MECOM: variants seen among roughly 807,000 people sequenced by gnomAD.
MECOM encodes the protein MDS1 and EVI1 complex locus, also known as histone-lysine N-methyltransferase MECOM.
MECOM carries 13 observed loss-of-function variants against 116.3 expected under a neutral mutation model. The ratio of observed to expected loss-of-function variants is 0.11; its 90% CI spans 0.07 to 0.18. The LOEUF is 0.18. MECOM is among the 10% of genes least tolerant of loss of function. The pLI, the probability that MECOM is intolerant of heterozygous loss-of-function variation, is 1.00. For synonymous variants in MECOM, 528 were observed against 535.2 expected, an observed-to-expected ratio of 0.99 and a Z score of 0.19; for missense variants, 1,299 against 1,509.0, an observed-to-expected ratio of 0.86 and a Z score of 2.31.
At chr3:169,195,136 C>A (rs1559978396) in intron 2 of MECOM, among the ~76,000 whole-genome samples, 1 of 152,026 alleles carries the variant, frequency 6.6e-6, no homozygotes, top group Non-Finnish European at 1.5e-5. Flanking sequence ...AAATCACTTG[C>A]AAGAACCTTG....
At chr3:169,558,627 C>T (rs12633239) in intron 1 of MECOM, among the ~76,000 whole-genome samples, 33,553 of 152,102 alleles carry the variant, frequency 0.22, 4,717 homozygotes, top group East Asian at 0.7. Context: ...GCCATCTGGG[C>T]CTCAGCCCAG....
intron 2 of MECOM, among the ~76,000 whole-genome samples, chr3:169,153,886 T>C (rs1741546567): frequency 6.6e-6 from 1 of 152,198 alleles, no homozygotes; most frequent in Non-Finnish European, 1.5e-5. Context: ...TATTTGTGTT[T>C]GTGTAACGGG....
chr3:169,596,320 A>C lies in MECOM; in HGVS notation c.37+67016T>G, dbSNP rs1767135479. On this transcript the variant is annotated intron_variant, in intron 1 of 16. Transcript: ENST00000651503. Reference sequence around the variant, plus strand: ...TGAGCACATTCACAGAACATGAAACAAGAGAAGGAAGACAGCTGTAGCCCA... The same window carrying C: ...TGAGCACATTCACAGAACATGAAACCAGAGAAGGAAGACAGCTGTAGCCCA... Among the ~76,000 whole-genome samples, 6 of 152,226 alleles carry C rather than the reference A, an allele frequency of 3.9e-5. No individual in the cohort carries two copies. In the South Asian group the frequency reaches 1.2e-3, roughly 32 times the overall value.
intron 1 of MECOM, among the ~76,000 whole-genome samples, chr3:169,568,075 A>AG (rs1451935114): frequency 6.6e-6 from 1 of 152,166 alleles, no homozygotes; most frequent in Non-Finnish European, 1.5e-5. Flanking sequence ...GAGGGTGAGC[A>AG]GAAGCAGGAT....
chr3:169,450,113 C>T (rs909887842), intron 1 of MECOM, among the ~76,000 whole-genome samples: 11 of 152,200 alleles, frequency 7.2e-5, no homozygotes, highest in Admixed American at 2.6e-4. Context: ...AATGGCATTA[C>T]GGACTTTAAA....
chr3:169,568,830 C>T (rs181946036), intron 1 of MECOM, among the ~76,000 whole-genome samples: 6 of 152,278 alleles, frequency 3.9e-5, no homozygotes, highest in East Asian at 3.9e-4. Context: ...CTTACAAGAG[C>T]GCCTGAAGAA....
At chr3:169,222,774 C>G (rs1432637642) in intron 2 of MECOM, among the ~76,000 whole-genome samples, 1 of 152,216 alleles carries the variant, frequency 6.6e-6, no homozygotes, top group African/African-American at 2.4e-5. Flanking sequence ...GTGAAGTTTT[C>G]TTCTGGTCAT....
intron 2 of MECOM, chr3:169,146,157 T>C: frequency 2.0e-6 from 2 of 983,362 alleles, no homozygotes; most frequent in Non-Finnish European, 2.5e-6. Context: ...AAAAAACCGT[T>C]TAGGTAGACT....
rs180820874 is a variant in MECOM, at chr3:169,198,669, C to T, written c.376-54837G>A. 2.1e-3 allele frequency among the ~76,000 whole-genome samples: 320 copies of T among 152,052 alleles called. 4 individuals are homozygous for T. The highest frequency in any genetic ancestry group is 7.3e-3 in the African/African-American group (304 of 41,500). Reference sequence around the variant, plus strand: ...TTTTGCTGATTCAAGTTGAAATTTACTTCCTGACCACTCTTCCCCATAAAA... The same window carrying T: ...TTTTGCTGATTCAAGTTGAAATTTATTTCCTGACCACTCTTCCCCATAAAA... On this transcript the variant is annotated intron_variant, in intron 2 of 16. Transcript: ENST00000651503.
chr3:169,088,584 T>C (rs190661743), intron 16 of MECOM, among the ~76,000 whole-genome samples: 5 of 152,288 alleles, frequency 3.3e-5, no homozygotes, highest in Non-Finnish European at 7.4e-5. Context: ...TTACTAGACA[T>C]AGAAGGGGAC....
At chr3:169,258,969 A>G (rs990623143) in intron 2 of MECOM, among the ~76,000 whole-genome samples, 1 of 152,036 alleles carries the variant, frequency 6.6e-6, no homozygotes, top group Non-Finnish European at 1.5e-5. Context: ...CTCAGGTCAC[A>G]TGCTGAACAC....
At chr3:169,644,423 A>G (rs1773896576) in intron 1 of MECOM, among the ~76,000 whole-genome samples, 1 of 151,904 alleles carries the variant, frequency 6.6e-6, no homozygotes, top group African/African-American at 2.4e-5. Context: ...CGCCTGGCTA[A>G]TTTTTGTATT....
intron 1 of MECOM, among the ~76,000 whole-genome samples, chr3:169,403,618 C>T (rs1736221402): frequency 6.6e-6 from 1 of 152,124 alleles, no homozygotes; most frequent in Non-Finnish European, 1.5e-5. Flanking sequence ...ATTTTATGGA[C>T]TTATTTGCAC....
chr3:169,447,511 T>A (rs935158412), intron 1 of MECOM, among the ~76,000 whole-genome samples: 2 of 152,176 alleles, frequency 1.3e-5, no homozygotes, highest in African/African-American at 4.8e-5. Context: ...TCTCATTGAT[T>A]CTTATGTTTA....
chr3:169,096,270 CT>C (rs57183129), intron 12 of MECOM, among the ~76,000 whole-genome samples: 2,533 of 143,078 alleles, frequency 0.018, 26 homozygotes, highest in Middle Eastern at 0.047. Context: ...TCCAAATGAC[CT>C]TTTTTTTTTT....
chr3:169,133,740 C>A (rs542083763), intron 3 of MECOM, among the ~76,000 whole-genome samples: 1 of 152,210 alleles, frequency 6.6e-6, no homozygotes, highest in South Asian at 2.1e-4. Context: ...TGGAAGTACA[C>A]TGAGAACAGT....
chr3:169,323,393 G>A (rs1368024873), intron 2 of MECOM, among the ~76,000 whole-genome samples: 1 of 152,130 alleles, frequency 6.6e-6, no homozygotes, highest in Non-Finnish European at 1.5e-5. Context: ...GTGAATGATG[G>A]ATTTCCTTTG....
chr3:169,273,744 G>A (rs1249518483), intron 2 of MECOM, among the ~76,000 whole-genome samples: 1 of 151,894 alleles, frequency 6.6e-6, no homozygotes, highest in Non-Finnish European at 1.5e-5. Flanking sequence ...CACATTCAAA[G>A]GCCCCATAGG....
intron 1 of MECOM, among the ~76,000 whole-genome samples, chr3:169,570,953 A>T (rs1008760988): frequency 2.0e-5 from 3 of 152,056 alleles, no homozygotes; most frequent in Non-Finnish European, 4.4e-5. Flanking sequence ...CTCTCTCACC[A>T]CTCCTATTCA....
Sources: gnomAD v4.1 joint callset for allele counts (sites outside exome capture counted in the v4.1 genomes callset) on GRCh38, gnomAD v4.1.1 for gene constraint, MANE v1.5 for transcripts, NCBI Gene and HGNC (gene_info 2026-07-23, HGNC 2026-07-21) for gene names.